TSPAN9: variants seen among roughly 807,000 people sequenced by gnomAD.
TSPAN9 encodes the protein tetraspanin-9.
A neutral mutation model predicts 31.0 loss-of-function variants in TSPAN9; 16 were observed. That is an observed-to-expected ratio of 0.52 (90% CI 0.35 to 0.78). The LOEUF (loss-of-function observed/expected upper bound fraction) is 0.78, where lower values mean the gene tolerates loss of function less well. Ranked by LOEUF, TSPAN9 falls within the 30% of genes least tolerant of loss-of-function variation. TSPAN9 has a pLI of 0.01. For missense variants in TSPAN9, 272 were observed against 312.5 expected (o/e 0.87, Z 0.98); for synonymous variants, 145 against 121.6 (o/e 1.19, Z -1.27).
At chr12:3,094,948 G>C (rs2098307206) in intron 2 of TSPAN9, among the ~76,000 whole-genome samples, 1 of 121,338 alleles carries the variant, frequency 8.2e-6, no homozygotes, top group Non-Finnish European at 1.6e-5. Flanking sequence ...TGGGACAATA[G>C]TGGAGGGAAG....
At position 3,097,699 on chromosome 12, in the gene TSPAN9, C is replaced by T. The variant is rs539995421; in HGVS notation, c.-18+13980C>T. Among the ~76,000 whole-genome samples, 3 of 152,274 alleles carry T rather than the reference C, an allele frequency of 2.0e-5. No homozygotes were observed. The East Asian group carries it at 5.8e-4, about 29-fold the overall frequency. On this transcript the variant is annotated intron_variant, in intron 2 of 8. Coordinates refer to ENST00000011898, the MANE Select transcript of TSPAN9 (RefSeq NM_006675.5). ...CTTAGAGCCCAGAGGAATGGCTCCC[C>T]CCGCAATCCATGCCTCTGGGGGAGT...
intron 2 of TSPAN9, among the ~76,000 whole-genome samples, chr12:3,190,509 T>G (rs1257051788): frequency 6.6e-6 from 1 of 152,234 alleles, no homozygotes; most frequent in East Asian, 1.9e-4. Context: ...ACAGTGGCTC[T>G]TACTCCAGGC....
At chr12:3,174,038 A>G (rs889137270) in intron 2 of TSPAN9, 2 of 152,276 alleles carry the variant, frequency 1.3e-5, no homozygotes, top group African/African-American at 4.8e-5. Flanking sequence ...ATGACCCTGA[A>G]TAAATTCATT....
chr12:3,263,422 G>A (rs564934328), intron 3 of TSPAN9, among the ~76,000 whole-genome samples: 6 of 152,292 alleles, frequency 3.9e-5, no homozygotes, highest in East Asian at 1.9e-4. Flanking sequence ...GCGGAGAGGC[G>A]CACCTCTCCA....
chr12:3,233,253 A>G (rs1054049788), intron 3 of TSPAN9, among the ~76,000 whole-genome samples: 7 of 152,234 alleles, frequency 4.6e-5, no homozygotes, highest in East Asian at 1.9e-4. Context: ...ACAAGCATGT[A>G]AAATTATTAA....
At chr12:3,122,141 C>T (rs1476417723) in intron 2 of TSPAN9, among the ~76,000 whole-genome samples, 2 of 152,166 alleles carry the variant, frequency 1.3e-5, no homozygotes, top group Non-Finnish European at 2.9e-5. Context: ...CGAGACCATC[C>T]TAGCTAACAC....
chr12:3,089,020 C>T (rs2098302354), intron 2 of TSPAN9, among the ~76,000 whole-genome samples: 1 of 151,754 alleles, frequency 6.6e-6, no homozygotes, highest in Admixed American at 6.6e-5. Context: ...ATCACGAGGT[C>T]AGGAGATCGA....
chr12:3,174,730 C>T (rs552320574), intron 2 of TSPAN9, among the ~76,000 whole-genome samples: 1 of 146,278 alleles, frequency 6.8e-6, no homozygotes, highest in East Asian at 2.1e-4. Context: ...CTACAGGCGC[C>T]CACCACCGCG....
intron 2 of TSPAN9, among the ~76,000 whole-genome samples, chr12:3,140,958 C>T (rs1481153269): frequency 1.4e-5 from 2 of 147,500 alleles, no homozygotes; most frequent in Admixed American, 6.9e-5. Context: ...TTGGAGAAGG[C>T]TGAAGGGAAG....
At chr12:3,253,654 G>C (rs1164022841) in intron 3 of TSPAN9, among the ~76,000 whole-genome samples, 1 of 152,236 alleles carries the variant, frequency 6.6e-6, no homozygotes. Flanking sequence ...GGTAGAAATG[G>C]CAATCTTCAT....
In TSPAN9 at chr12:3,107,924, G is replaced by T. The variant is rs1458423365; in HGVS notation, c.-18+24205G>T. Among the ~76,000 whole-genome samples the T allele has an allele frequency of 6.6e-6, 1 of 152,112 alleles. No homozygotes were observed. Among genetic ancestry groups the T allele is most frequent in the African/African-American group, 2.4e-5 (1 of 41,402 alleles). On this transcript the variant is annotated intron_variant, in intron 2 of 8. Coordinates refer to ENST00000011898, the MANE Select transcript of TSPAN9 (RefSeq NM_006675.5). The surrounding 1 kb of genome is among the most constrained non-coding windows in gnomAD (Gnocchi z 4.1). ...TTCCTGCTCCCTGGACCAACCTCGTGCTATTTATACTTTCAACTCTATTCC... is the reference window on the plus strand; with the variant it reads ...TTCCTGCTCCCTGGACCAACCTCGTTCTATTTATACTTTCAACTCTATTCC...
chr12:3,240,943 G>A (rs1424016045), intron 3 of TSPAN9, among the ~76,000 whole-genome samples: 3 of 152,186 alleles, frequency 2.0e-5, no homozygotes, highest in African/African-American at 7.2e-5. Context: ...ACAATAGTAT[G>A]CTATTTTCTT....
intron 3 of TSPAN9, among the ~76,000 whole-genome samples, chr12:3,234,020 A>T (rs2153976376): frequency 6.6e-6 from 1 of 152,286 alleles, no homozygotes; most frequent in South Asian, 2.1e-4. Context: ...CAGAGCGGGG[A>T]TGAATGGAGC....
intron 2 of TSPAN9, among the ~76,000 whole-genome samples, chr12:3,182,864 C>G (rs971909987): frequency 6.6e-6 from 1 of 152,186 alleles, no homozygotes; most frequent in Non-Finnish European, 1.5e-5. Context: ...GGCCACGCAG[C>G]CCTCCCTGAG....
intron 2 of TSPAN9, chr12:3,200,258 C>G (rs1210756114): frequency 1.3e-5 from 2 of 152,242 alleles, no homozygotes; most frequent in Non-Finnish European, 1.5e-5. Flanking sequence ...AGGCCTCGCG[C>G]CCATTGGTCG....
At chr12:3,265,367 C>T (rs546496946) in intron 3 of TSPAN9, among the ~76,000 whole-genome samples, 1 of 152,300 alleles carries the variant, frequency 6.6e-6, no homozygotes, top group African/African-American at 2.4e-5. Context: ...CACTCAAGAT[C>T]GTCATCACCG....
At chr12:3,254,745 C>T (rs1401067457) in intron 3 of TSPAN9, among the ~76,000 whole-genome samples, 1 of 152,200 alleles carries the variant, frequency 6.6e-6, no homozygotes, top group Non-Finnish European at 1.5e-5. Context: ...AACTGTGGGT[C>T]GTCAAGGGCT....
intron 2 of TSPAN9, among the ~76,000 whole-genome samples, chr12:3,184,478 A>C (rs2153971509): frequency 6.6e-6 from 1 of 152,270 alleles, no homozygotes; most frequent in East Asian, 1.9e-4. Context: ...GAAAGAGTCC[A>C]AGGAATGTCC....
chr12:3,242,011 CCT>C (rs1023976301), intron 3 of TSPAN9, among the ~76,000 whole-genome samples: 4 of 152,244 alleles, frequency 2.6e-5, no homozygotes, highest in African/African-American at 7.2e-5. Flanking sequence ...TCTTCCTTTT[CCT>C]CTGAGTGGGG....
Sources: gnomAD v4.1 joint callset for allele counts (sites outside exome capture counted in the v4.1 genomes callset) on GRCh38, gnomAD v4.1.1 for gene constraint, Gnocchi (gnomAD v3.1) non-coding constraint, MANE v1.5 for transcripts, NCBI Gene and HGNC (gene_info 2026-07-23, HGNC 2026-07-21) for gene names.